The following OPCML variants were observed in gnomAD, a reference collection of about 807,000 sequenced individuals.
The protein encoded by OPCML is opioid-binding protein/cell adhesion molecule.
Under a neutral mutation model 37.8 loss-of-function variants are expected in OPCML, and 13 were observed. That is an observed-to-expected ratio of 0.34 (90% CI 0.22 to 0.55). The LOEUF is 0.55. Ranked by LOEUF, OPCML falls within the 20% of genes least tolerant of loss-of-function variation. OPCML has a pLI of 0.91. For missense variants in OPCML, 341 were observed against 435.6 expected, an observed-to-expected ratio of 0.78 and a Z score of 1.93; for synonymous variants, 176 against 168.8, an observed-to-expected ratio of 1.04 and a Z score of -0.33.
chr11:133,019,126 C>T (rs1947400048), intron 1 of OPCML, among the ~76,000 whole-genome samples: 1 of 152,174 alleles, frequency 6.6e-6, no homozygotes, highest in Admixed American at 6.5e-5. Flanking sequence ...TTCCTGGACA[C>T]ATGACACCTG....
intron 1 of OPCML, among the ~76,000 whole-genome samples, chr11:133,512,550 A>G (rs1948182729): frequency 6.6e-6 from 1 of 152,260 alleles, no homozygotes; most frequent in South Asian, 2.1e-4. Flanking sequence ...GATTAGCTCA[A>G]CCTTCAGTCC....
At chr11:132,581,711 G>T (rs118123174) in intron 3 of OPCML, among the ~76,000 whole-genome samples, 1,590 of 152,188 alleles carry the variant, frequency 0.01, 7 homozygotes, top group Non-Finnish European at 0.018. Flanking sequence ...ATACTTTTAG[G>T]TAGAGAAAAC....
intron 2 of OPCML, among the ~76,000 whole-genome samples, chr11:132,800,686 T>G (rs904029599): frequency 2.0e-5 from 3 of 152,212 alleles, no homozygotes; most frequent in Non-Finnish European, 4.4e-5. Context: ...TGTCTATTAC[T>G]CTATTAAAAT....
At chr11:133,146,447 T>C (rs1247601916) in intron 1 of OPCML, among the ~76,000 whole-genome samples, 1 of 151,936 alleles carries the variant, frequency 6.6e-6, no homozygotes, top group East Asian at 1.9e-4. Context: ...CTCGAGTAGC[T>C]GGGATTACAG....
intron 4 of OPCML, among the ~76,000 whole-genome samples, chr11:132,520,496 T>C (rs2096290204): frequency 1.3e-5 from 2 of 152,174 alleles, no homozygotes; most frequent in African/African-American, 2.4e-5. Flanking sequence ...TATAAGCATA[T>C]ATAGGAATAG....
intron 1 of OPCML, among the ~76,000 whole-genome samples, chr11:133,261,473 G>C (rs1949124732): frequency 6.6e-6 from 1 of 152,042 alleles, no homozygotes; most frequent in Non-Finnish European, 1.5e-5. Context: ...GGTGAGGCTG[G>C]CACATGGTCT....
chr11:133,057,092 C>T (rs998047803), intron 1 of OPCML, among the ~76,000 whole-genome samples: 1 of 152,216 alleles, frequency 6.6e-6, no homozygotes, highest in African/African-American at 2.4e-5. Context: ...TATCCACCCG[C>T]CTTGGCCTCC....
chr11:133,294,247 C>A (rs560301480), intron 1 of OPCML, among the ~76,000 whole-genome samples: 18 of 152,180 alleles, frequency 1.2e-4, no homozygotes, highest in African/African-American at 4.1e-4. Context: ...ATGACTCTCA[C>A]ACATCTGCTG....
chr11:132,500,959 G>A (rs776451626), intron 4 of OPCML, among the ~76,000 whole-genome samples: 11 of 152,184 alleles, frequency 7.2e-5, no homozygotes, highest in Non-Finnish European at 1.5e-4. Context: ...TACAATTGAT[G>A]GGCATTTGGA....
intron 2 of OPCML, among the ~76,000 whole-genome samples, chr11:132,740,380 C>A (rs547129283): frequency 1.3e-5 from 2 of 152,224 alleles, no homozygotes; most frequent in East Asian, 3.9e-4. Context: ...CATACACACT[C>A]CATTAGTGTA....
intron 2 of OPCML, chr11:132,771,622 T>A (rs752871638): frequency 6.6e-6 from 1 of 152,170 alleles, no homozygotes; most frequent in Non-Finnish European, 1.5e-5. Context: ...CACACACAGC[T>A]CTTGTCAGCA....
At chr11:132,946,409 T>C (rs959613641) in intron 1 of OPCML, among the ~76,000 whole-genome samples, 2 of 152,248 alleles carry the variant, frequency 1.3e-5, no homozygotes, top group African/African-American at 4.8e-5. Flanking sequence ...TCAAGTATTA[T>C]GTACTGTACA....
chr11:133,200,487 G>C (rs1938726911), intron 1 of OPCML, among the ~76,000 whole-genome samples: 1 of 152,074 alleles, frequency 6.6e-6, no homozygotes, highest in Non-Finnish European at 1.5e-5. Flanking sequence ...TCTTTTAGAG[G>C]TGGCCACTTG....
rs142701315 is a variant in OPCML, at chr11:133,385,325, C to T, written c.61+146939G>A. On this transcript the variant is annotated intron_variant, in intron 1 of 7. Coordinates refer to ENST00000524381, the MANE Select transcript of OPCML (RefSeq NM_001012393.5). ...CTCAGCGAAGACCCTCTCAGATTCCCGACCCACAGAAACTGTGAGATAGTA... is the reference window on the plus strand; with the variant it reads ...CTCAGCGAAGACCCTCTCAGATTCCTGACCCACAGAAACTGTGAGATAGTA... Among the ~76,000 whole-genome samples, 1,024 of 152,244 alleles carry T rather than the reference C, an allele frequency of 6.7e-3. 6 individuals carry two copies. Among genetic ancestry groups the T allele is most frequent in the Admixed American group, 0.01 (157 of 15,288 alleles).
intron 2 of OPCML, among the ~76,000 whole-genome samples, chr11:132,790,504 A>C (rs1937827315): frequency 6.6e-6 from 1 of 152,220 alleles, no homozygotes; most frequent in Admixed American, 6.5e-5. Context: ...TTTCAATTTA[A>C]AAAGTCAACC....
chr11:132,925,716 T>C (rs1373446803), intron 2 of OPCML, among the ~76,000 whole-genome samples: 1 of 152,188 alleles, frequency 6.6e-6, no homozygotes, highest in Non-Finnish European at 1.5e-5. Context: ...TATCTACCTG[T>C]CTCTAGTTTT....
chr11:132,866,725 G>C (rs1277253930), intron 2 of OPCML, among the ~76,000 whole-genome samples: 2 of 152,114 alleles, frequency 1.3e-5, no homozygotes, highest in African/African-American at 4.8e-5. Context: ...TATCTTACAA[G>C]ATATCATTTC....
At chr11:133,154,172 G>C (rs1257070183) in intron 1 of OPCML, among the ~76,000 whole-genome samples, 1 of 151,606 alleles carries the variant, frequency 6.6e-6, no homozygotes, top group East Asian at 1.9e-4. Flanking sequence ...CAGGAGGGAG[G>C]CTCCTGCTGT....
At chr11:132,553,951 T>C (rs761614770) in intron 3 of OPCML, among the ~76,000 whole-genome samples, 1 of 152,172 alleles carries the variant, frequency 6.6e-6, no homozygotes, top group Non-Finnish European at 1.5e-5. Flanking sequence ...TTCCCTTCTT[T>C]CCCAATTTTG....
Sources: gnomAD v4.1 joint callset for allele counts (sites outside exome capture counted in the v4.1 genomes callset) on GRCh38, gnomAD v4.1.1 for gene constraint, MANE v1.5 for transcripts, NCBI Gene and HGNC (gene_info 2026-07-23, HGNC 2026-07-21) for gene names.